Variants in FANCC observed in about 807,000 individuals in gnomAD.
The protein encoded by FANCC is Fanconi anemia group C protein.
A neutral mutation model predicts 71.3 loss-of-function variants in FANCC; 55 were observed. The ratio of observed to expected loss-of-function variants is 0.77; its 90% confidence interval spans 0.62 to 0.97. FANCC has a LOEUF of 0.97. FANCC is among the 50% of genes least tolerant of loss of function. The pLI is 0.00. For missense variants in FANCC, 678 were observed against 670.9 expected (o/e 1.01, Z -0.12); for synonymous variants, 275 against 244.9 (o/e 1.12, Z -1.15).
At chr9:95,307,641 A>G (rs554172458) in intron 1 of FANCC, among the ~76,000 whole-genome samples, 249 of 152,370 alleles carry the variant, frequency 1.6e-3, no homozygotes, top group Non-Finnish European at 2.8e-3. Context: ...CAAAGTCCAC[A>G]ACAGATAAGT....
intron 4 of FANCC, among the ~76,000 whole-genome samples, chr9:95,238,700 A>G (rs1320390804): frequency 6.6e-6 from 1 of 151,820 alleles, no homozygotes; most frequent in African/African-American, 2.4e-5. Flanking sequence ...CTAGTAGCTG[A>G]GAGTACAGGC....
At chr9:95,119,301 A>G (rs566902409) in intron 10 of FANCC, among the ~76,000 whole-genome samples, 2 of 151,624 alleles carry the variant, frequency 1.3e-5, no homozygotes, top group African/African-American at 2.4e-5. Flanking sequence ...TGTTGTATAC[A>G]TATATTACAA....
At chr9:95,164,757 T>C (rs550740615) in intron 6 of FANCC, among the ~76,000 whole-genome samples, 21 of 152,320 alleles carry the variant, frequency 1.4e-4, no homozygotes, top group Non-Finnish European at 2.5e-4. Context: ...TTTCATGTAG[T>C]TTCATTGCCT....
chr9:95,224,227 A>C (rs1450992590), intron 4 of FANCC, among the ~76,000 whole-genome samples: 2 of 152,166 alleles, frequency 1.3e-5, no homozygotes, highest in Non-Finnish European at 2.9e-5. Context: ...CGTGTCTCAG[A>C]ATCATAGAAT....
chr9:95,105,294 G>A (rs1227448489), intron 14 of FANCC, among the ~76,000 whole-genome samples: 3 of 152,202 alleles, frequency 2.0e-5, no homozygotes, highest in Non-Finnish European at 1.5e-5. Context: ...TCACGTTTCA[G>A]TCAGGCCCGG....
intron 1 of FANCC, among the ~76,000 whole-genome samples, chr9:95,290,442 C>T (rs1276796534): frequency 6.6e-6 from 1 of 152,114 alleles, no homozygotes; most frequent in Non-Finnish European, 1.5e-5. Flanking sequence ...CCCTATTACT[C>T]CCAAGAAGGA....
intron 14 of FANCC, among the ~76,000 whole-genome samples, chr9:95,103,216 C>G (rs967003041): frequency 6.6e-6 from 1 of 151,968 alleles, no homozygotes; most frequent in African/African-American, 2.4e-5. Flanking sequence ...GCCGAGTTGT[C>G]ATTACAAATC....
chr9:95,258,205 C>T (rs532773385), intron 1 of FANCC, among the ~76,000 whole-genome samples: 19 of 152,254 alleles, frequency 1.2e-4, no homozygotes, highest in Non-Finnish European at 5.9e-5. Flanking sequence ...TCAGCATCAT[C>T]TTGATACCAA....
chr9:95,102,967 C>T (rs1199113317), intron 14 of FANCC, among the ~76,000 whole-genome samples: 3 of 152,220 alleles, frequency 2.0e-5, no homozygotes, highest in African/African-American at 4.8e-5. Context: ...AGCCCAGGCA[C>T]GTGCCAGTGT....
intron 8 of FANCC, among the ~76,000 whole-genome samples, chr9:95,134,620 T>C (rs995350442): frequency 1.3e-5 from 2 of 152,252 alleles, no homozygotes; most frequent in Non-Finnish European, 2.9e-5. Context: ...TGCAGGTTTC[T>C]GAATCATTTT....
intron 4 of FANCC, among the ~76,000 whole-genome samples, chr9:95,191,327 CTTTTTTTTTTTTTT>C (rs71366278): frequency 4.8e-4 from 26 of 53,964 alleles, no homozygotes; most frequent in African/African-American, 1.9e-3. Context: ...ATCCTACTTC[CTTTTTTTTTTTTTT>C]TTTTTTTTTT....
chr9:95,247,513 A>G lies in FANCC; in HGVS notation c.169T>C (p.Ser57Pro), dbSNP rs1356447246. 6.2e-7 allele frequency: 1 copy of G among 1,611,910 alleles called. No individual in the cohort carries two copies. Among genetic ancestry groups the G allele is most frequent in the Admixed American group, 1.7e-5 (1 of 60,018 alleles). Residue 57 changes from serine to proline, a missense_variant, in exon 3 of 15, where the codon TCT becomes CCT. Ser to Pro is a moderately conservative substitution (Grantham distance 74). Transcript: ENST00000289081. ...KMYEALKEMD[S>P]NTVIERFPTI... ...GGGAATCTTTCAATGACTGTATTAGAATCCTGTGAAAGAAAAATAAATTTT... is the reference window on the plus strand; with the variant it reads ...GGGAATCTTTCAATGACTGTATTAGGATCCTGTGAAAGAAAAATAAATTTT...
At chr9:95,271,347 G>A (rs751441298) in intron 1 of FANCC, among the ~76,000 whole-genome samples, 5 of 152,332 alleles carry the variant, frequency 3.3e-5, no homozygotes, top group Non-Finnish European at 7.4e-5. Context: ...GATCCTGAGA[G>A]AAGGAGCTTG....
intron 10 of FANCC, among the ~76,000 whole-genome samples, chr9:95,121,493 T>C (rs2072874744): frequency 6.6e-6 from 1 of 152,232 alleles, no homozygotes; most frequent in Non-Finnish European, 1.5e-5. Context: ...GTTGAACTTT[T>C]GTATTCCAAA....
At chr9:95,113,391 T>C (rs1373242626) in intron 12 of FANCC, among the ~76,000 whole-genome samples, 4 of 152,074 alleles carry the variant, frequency 2.6e-5, no homozygotes, top group African/African-American at 9.7e-5. Flanking sequence ...AAAATTATAC[T>C]CTGAAAGAGG....
chr9:95,109,021 T>TATC lies in FANCC; in HGVS notation c.1330-1755_1330-1753dup, dbSNP rs1199291993. 3.9e-5 allele frequency among the ~76,000 whole-genome samples: 6 copies of TATC among 152,230 alleles called. No homozygotes were observed. The South Asian group carries it at 1.2e-3, about 32-fold the overall frequency. ...CCTGAGCTCAAGCGATCCTTCCATC[T>TATC]ATCTCAGCCTCCCGAGTAGCTGGGA... On this transcript the variant is annotated intron_variant, in intron 13 of 14. Coordinates refer to ENST00000289081, the MANE Select transcript of FANCC (RefSeq NM_000136.3).
intron 14 of FANCC, among the ~76,000 whole-genome samples, chr9:95,106,589 C>T (rs1437257731): frequency 6.6e-6 from 1 of 152,120 alleles, no homozygotes; most frequent in Non-Finnish European, 1.5e-5. Flanking sequence ...CGTTTTTTAC[C>T]CCTCAAGTCA....
chr9:95,125,029 C>A, intron 10 of FANCC, 57 bp downstream of exon 10: 2 of 1,456,454 alleles, frequency 1.4e-6, no homozygotes, highest in Non-Finnish European at 1.9e-6. Flanking sequence ...GTCCAAAATA[C>A]TCTCAACAGC....
rs572969456 is a variant in FANCC at position 95,104,392 on chromosome 9, G to T, written c.1534-2542C>A. Among the ~76,000 whole-genome samples the T allele has an allele frequency of 1.1e-4, 16 of 152,338 alleles. No individual in the cohort carries two copies. The East Asian group carries it at 2.7e-3, about 26-fold the overall frequency. ...CTCTGGGAATGGGCTTCTGCTGTGT[G>T]TGTCTTCTCTGTGGCGGAACTGACT... On this transcript the variant is annotated intron_variant, in intron 14 of 14. Coordinates refer to ENST00000289081, the MANE Select transcript of FANCC (RefSeq NM_000136.3).
Sources: gnomAD v4.1 joint callset for allele counts (sites outside exome capture counted in the v4.1 genomes callset) on GRCh38, gnomAD v4.1.1 for gene constraint, MANE v1.5 for transcripts, NCBI Gene and HGNC (gene_info 2026-07-23, HGNC 2026-07-21) for gene names.